ATRNL1: variants seen among roughly 807,000 people sequenced by gnomAD.
The protein encoded by ATRNL1 is attractin-like protein 1.
In ATRNL1, 95 loss-of-function variants were observed where a neutral mutation model predicts 182.7. The observed-to-expected ratio is 0.52, with a 90% CI of 0.44 to 0.62. The LOEUF (loss-of-function observed/expected upper bound fraction) is 0.62, where lower values mean the gene tolerates loss of function less well. Ranked by LOEUF, ATRNL1 falls within the 20% of genes least tolerant of loss-of-function variation. ATRNL1 has a pLI of 0.00. For synonymous variants in ATRNL1, 576 were observed against 568.3 expected (o/e 1.01, Z -0.19); for missense variants, 1,471 against 1,679.5 (o/e 0.88, Z 2.17).
chr10:115,722,149 C>T lies in ATRNL1; in HGVS notation c.3796-5099C>T, dbSNP rs1383836016. ...ATTGGAAATGAATATTATCAGCCAA[C>T]TCAGTGAATACTTGTCAGTGTTAGA... On this transcript the variant is annotated intron_variant, in intron 26 of 28. Transcript: ENST00000355044. Among the ~76,000 whole-genome samples the T allele has an allele frequency of 9.9e-5, 15 of 152,022 alleles. 1 individual carries two copies. The highest frequency in any genetic ancestry group is 9.8e-4 in the Admixed American group (15 of 15,262).
At chr10:115,914,792 G>A (rs1408958740) in intron 28 of ATRNL1, among the ~76,000 whole-genome samples, 1 of 152,158 alleles carries the variant, frequency 6.6e-6, no homozygotes, top group Admixed American at 6.5e-5. Flanking sequence ...GCAGTCAGAA[G>A]AGGATTCACA....
intron 26 of ATRNL1, among the ~76,000 whole-genome samples, chr10:115,627,836 A>G (rs1220496999): frequency 6.6e-6 from 1 of 152,108 alleles, no homozygotes; most frequent in Non-Finnish European, 1.5e-5. Flanking sequence ...ATTGCCAGTT[A>G]ATATGGTTGT....
In ATRNL1 at chr10:115,465,938, C is replaced by T. The variant is rs564874962; in HGVS notation, c.3418-1236C>T. On this transcript the variant is annotated intron_variant, in intron 22 of 28. Transcript: ENST00000355044. ...ATATGGAACACTGTTAAGAGTTCTT[C>T]ATAGAGAATAAGCTGTTCTTCCATG... Among the ~76,000 whole-genome samples the T allele has an allele frequency of 2.6e-5, 4 of 151,676 alleles. No individual in the cohort carries two copies. In the South Asian group the frequency reaches 8.3e-4, roughly 31 times the overall value.
At chr10:115,736,442 AC>A (rs1269405042) in intron 27 of ATRNL1, among the ~76,000 whole-genome samples, 1 of 151,844 alleles carries the variant, frequency 6.6e-6, no homozygotes, top group Non-Finnish European at 1.5e-5. Context: ...CTTCTTCCTT[AC>A]TGTTTTCATT....
chr10:115,626,942 G>C (rs931768199), intron 26 of ATRNL1, among the ~76,000 whole-genome samples: 2 of 151,990 alleles, frequency 1.3e-5, no homozygotes, highest in South Asian at 4.2e-4. Context: ...ATTTAACATG[G>C]TTTTTGCCTC....
chr10:115,125,820 T>G (rs941470827), intron 3 of ATRNL1, among the ~76,000 whole-genome samples: 2 of 152,184 alleles, frequency 1.3e-5, no homozygotes, highest in African/African-American at 4.8e-5. Context: ...ACCACCGAGT[T>G]TTTTTTAGCC....
At chr10:115,268,004 G>A (rs939253124) in intron 12 of ATRNL1, among the ~76,000 whole-genome samples, 29 of 152,096 alleles carry the variant, frequency 1.9e-4, no homozygotes, top group African/African-American at 3.6e-4. Flanking sequence ...CAAGTGATCC[G>A]TCTACCTTGG....
At chr10:115,862,517 T>A (rs782115080) in intron 28 of ATRNL1, among the ~76,000 whole-genome samples, 24 of 152,218 alleles carry the variant, frequency 1.6e-4, no homozygotes, top group Non-Finnish European at 2.5e-4. Flanking sequence ...TTCTCAGAAA[T>A]GCAAATTAAA....
intron 20 of ATRNL1, among the ~76,000 whole-genome samples, chr10:115,402,702 A>G (rs2134307978): frequency 6.6e-6 from 1 of 152,336 alleles, no homozygotes; most frequent in South Asian, 2.1e-4. Context: ...CCATTTCCTA[A>G]GATATATGGC....
At chr10:115,195,154 T>C (rs1171112033) in intron 8 of ATRNL1, among the ~76,000 whole-genome samples, 1 of 152,118 alleles carries the variant, frequency 6.6e-6, no homozygotes, top group Non-Finnish European at 1.5e-5. Flanking sequence ...AGTTATAGTA[T>C]TAAGCGTATT....
At position 115,507,527 on chromosome 10, in the gene ATRNL1, G is replaced by C. The variant is rs575269905; in HGVS notation, c.3655-11736G>C. Among the ~76,000 whole-genome samples the C allele has an allele frequency of 3.9e-5, 6 of 152,142 alleles. No individual in the cohort carries two copies. In the East Asian group the frequency reaches 1.2e-3, roughly 30 times the overall value. ...GTTGTTAGGAAAGTGTAGTACTTAAGAACTAGAGTCAGAATGCACTGATTT... is the reference window on the plus strand; with the variant it reads ...GTTGTTAGGAAAGTGTAGTACTTAACAACTAGAGTCAGAATGCACTGATTT... On this transcript the variant is annotated intron_variant, in intron 24 of 28. Coordinates refer to ENST00000355044, the MANE Select transcript of ATRNL1 (RefSeq NM_207303.4).
intron 18 of ATRNL1, among the ~76,000 whole-genome samples, chr10:115,321,671 CTTTTT>C (rs528619167): frequency 7.9e-6 from 1 of 125,822 alleles, no homozygotes; most frequent in South Asian, 2.6e-4. Flanking sequence ...AAGGTGAAAG[CTTTTT>C]TTTTTTTTTT....
At chr10:115,822,909 G>T (rs1180419572) in intron 27 of ATRNL1, among the ~76,000 whole-genome samples, 2 of 152,114 alleles carry the variant, frequency 1.3e-5, no homozygotes, top group African/African-American at 4.8e-5. Flanking sequence ...GAAAAAGGGG[G>T]ACTCCTCCCT....
At chr10:115,140,162 A>C (rs950119147) in intron 5 of ATRNL1, among the ~76,000 whole-genome samples, 2 of 152,176 alleles carry the variant, frequency 1.3e-5, no homozygotes, top group Admixed American at 1.3e-4. Flanking sequence ...GCTTAATAGT[A>C]TCTGCTTGGC....
intron 25 of ATRNL1, among the ~76,000 whole-genome samples, chr10:115,536,618 C>T (rs1419585102): frequency 1.3e-5 from 2 of 152,216 alleles, no homozygotes; most frequent in African/African-American, 2.4e-5. Context: ...GCTGCACCCA[C>T]TGTCCTGCGC....
intron 26 of ATRNL1, among the ~76,000 whole-genome samples, chr10:115,655,075 T>G (rs1415514827): frequency 6.6e-6 from 1 of 152,178 alleles, no homozygotes; most frequent in Non-Finnish European, 1.5e-5. Flanking sequence ...AACACCAGGA[T>G]ACCAGATAAG....
intron 24 of ATRNL1, among the ~76,000 whole-genome samples, chr10:115,501,907 C>G (rs1206030662): frequency 6.6e-6 from 1 of 151,964 alleles, no homozygotes; most frequent in Non-Finnish European, 1.5e-5. Context: ...TCAAAATCTT[C>G]AAAGTTATCA....
At chr10:115,114,649 T>C (rs1171590511) in intron 1 of ATRNL1, among the ~76,000 whole-genome samples, 1 of 152,106 alleles carries the variant, frequency 6.6e-6, no homozygotes, top group African/African-American at 2.4e-5. Context: ...ATGCTCAACA[T>C]TACTAATCAT....
chr10:115,414,652 C>G (rs1382182323), intron 20 of ATRNL1, among the ~76,000 whole-genome samples: 1 of 151,880 alleles, frequency 6.6e-6, no homozygotes, highest in Non-Finnish European at 1.5e-5. Flanking sequence ...GTTTATCCTT[C>G]CCATCTTTCC....
Sources: allele counts gnomAD v4.1 joint callset (sites outside exome capture counted in the v4.1 genomes callset), GRCh38; gene constraint gnomAD v4.1.1; transcripts MANE v1.5; gene names NCBI Gene and HGNC (gene_info 2026-07-23, HGNC 2026-07-21).